MMP2: variants seen among roughly 807,000 people sequenced by gnomAD.
MMP2 encodes 72 kDa type IV collagenase.
Under a neutral mutation model 74.8 loss-of-function variants are expected in MMP2, and 39 were observed. The observed-to-expected ratio is 0.52, with a 90% CI of 0.40 to 0.68. The LOEUF is 0.68. Among genes scored for constraint, MMP2 ranks in the 30% least tolerant of loss-of-function variants. The probability of loss-of-function intolerance (pLI) is 0.00; values close to 1 mark genes in which losing one functional copy is unlikely to be tolerated. For synonymous variants in MMP2, 367 were observed against 339.8 expected, an observed-to-expected ratio of 1.08 and a Z score of -0.88; for missense variants, 803 against 878.3, an observed-to-expected ratio of 0.91 and a Z score of 1.08.
chr16:55,504,922 G>C (rs1259192134), intron 12 of MMP2, among the ~76,000 whole-genome samples: 1 of 151,796 alleles, frequency 6.6e-6, no homozygotes, highest in Non-Finnish European at 1.5e-5. Context: ...AAAGTGCTGG[G>C]ATTACAGGCG....
intron 5 of MMP2, among the ~76,000 whole-genome samples, chr16:55,486,219 G>T (rs1428309273): frequency 6.6e-6 from 1 of 152,112 alleles, no homozygotes; most frequent in African/African-American, 2.4e-5. Flanking sequence ...GTGATAGGGA[G>T]GCAGGACTCA....
chr16:55,485,727 C>T lies in MMP2; in HGVS notation c.782C>T (p.Thr261Ile). ...GRSDGFLWCS[T>I]TYNFEKDGKY... ...AGCGATGGCTTCCTCTGGTGCTCCA[C>T]CACCTACAACTTTGAGAAGGATGGC... The change falls in exon 5 of 13, where the codon ACC becomes ATC. Residue 261 changes from threonine (T) to isoleucine (I), a missense_variant. Transcript: ENST00000219070. 1.9e-6 allele frequency: 3 copies of T among 1,614,140 alleles called. No homozygotes were observed. Among genetic ancestry groups the T allele is most frequent in the Non-Finnish European group, 2.5e-6 (3 of 1,180,028 alleles).
intron 11 of MMP2, among the ~76,000 whole-genome samples, chr16:55,499,371 TGAA>T (rs1181691213): frequency 2.7e-4 from 41 of 152,020 alleles, no homozygotes; most frequent in African/African-American, 4.8e-4. Flanking sequence ...GGACAAAATA[TGAA>T]GAAGACTTAG....
intron 1 of MMP2, chr16:55,479,882 C>G: frequency 7.6e-6 from 4 of 524,832 alleles, no homozygotes. Flanking sequence ...GGGCGAAAAA[C>G]AAGCCAGAGA....
chr16:55,489,654 T>C lies in MMP2; in HGVS notation c.1010T>C (p.Met337Thr). The change falls in exon 7 of 13, where the codon ATG (methionine) becomes ACG (threonine). Residue 337 changes from methionine (M) to threonine (T), a missense_variant. Transcript: ENST00000219070. Reference protein sequence around the residue: ...KKYGFCPETAMSTVGGNSEGA... With the variant: ...KKYGFCPETATSTVGGNSEGA... ...ACCCGTATCCCTAACCCCACAGCCATGTCCACTGTTGGTGGGAACTCAGAA... is the reference window on the plus strand; with the variant it reads ...ACCCGTATCCCTAACCCCACAGCCACGTCCACTGTTGGTGGGAACTCAGAA... 1 of 1,614,166 alleles carries C rather than the reference T, an allele frequency of 6.2e-7. No individual in the cohort carries two copies. Among genetic ancestry groups the C allele is most frequent in the Non-Finnish European group, 8.5e-7 (1 of 1,180,030 alleles).
intron 6 of MMP2, 75 bp downstream of exon 6, chr16:55,488,791 G>A (rs1219858275): frequency 1.4e-5 from 20 of 1,467,420 alleles, no homozygotes; most frequent in East Asian, 2.5e-5. Context: ...ATAAGACTCC[G>A]AGTGCCCACC....
Position 55,498,419 on chromosome 16 carries a change from A to T in MMP2, c.1740A>T (p.Thr580=), listed in dbSNP as rs753456897. ...TTAACTGGAGCAAAAACAAGAAGACATACATCTTTGCTGGAGACAAATTCT... is the reference window on the plus strand; with the variant it reads ...TTAACTGGAGCAAAAACAAGAAGACTTACATCTTTGCTGGAGACAAATTCT... ...AAFNWSKNKK[T]YIFAGDKFWR... is the part of the protein sequence containing the mutation. Residue 580 remains threonine (T), a synonymous_variant, in exon 11 of 13, where the codon ACA becomes ACT. Transcript: ENST00000219070. The T allele has an allele frequency of 1.2e-6, 2 of 1,614,088 alleles. No individual in the cohort carries two copies. Among genetic ancestry groups the T allele is most frequent in the African/African-American group, 2.7e-5 (2 of 74,930 alleles).
Position 55,493,189 on chromosome 16 carries a change from C to G in MMP2, c.1368C>G (p.Gly456=), listed in dbSNP as rs201437071. Residue 456 remains glycine, a synonymous_variant, in exon 9 of 13, where the codon GGC becomes GGG. Transcript: ENST00000219070. ...CTCCTGACATTGACCTTGGCACCGGCCCCACCCCCACGCTGGGCCCTGTCA... is the reference window on the plus strand; with the variant it reads ...CTCCTGACATTGACCTTGGCACCGGGCCCACCCCCACGCTGGGCCCTGTCA... ...GASPDIDLGT[G]PTPTLGPVTP... 12 of 1,613,926 alleles carry G rather than the reference C, an allele frequency of 7.4e-6. No individual in the cohort carries two copies. The highest frequency in any genetic ancestry group is 9.3e-6 in the Non-Finnish European group (11 of 1,180,012).
chr16:55,491,996 G>T lies in MMP2; in HGVS notation c.1336+40G>T, dbSNP rs17859934. 3.6e-6 allele frequency: 5 copies of T among 1,408,248 alleles called. No homozygotes were observed. In the African/African-American group the frequency reaches 5.7e-5, roughly 16 times the overall value. The allele number at this position is 1,408,248 out of a possible 1,614,324, so 87.2% of individuals were successfully genotyped here. Reference sequence around the variant, plus strand: ...GGGGGTTGGGGGTGGAGGGTGAGGAGGGGGGAGGTCATGTAGCCTGGGATG... The same window carrying T: ...GGGGGTTGGGGGTGGAGGGTGAGGATGGGGGAGGTCATGTAGCCTGGGATG... On this transcript the variant is annotated intron_variant, in intron 8 of 12. Coordinates refer to ENST00000219070, the MANE Select transcript of MMP2 (RefSeq NM_004530.6).
intron 1 of MMP2, among the ~76,000 whole-genome samples, chr16:55,480,350 G>A (rs1410267738): frequency 6.6e-6 from 1 of 152,162 alleles, no homozygotes; most frequent in Non-Finnish European, 1.5e-5. Flanking sequence ...GCCTCGGAAA[G>A]TTTCCTCGAA....
intron 12 of MMP2, among the ~76,000 whole-genome samples, chr16:55,504,177 T>C (rs950393882): frequency 9.2e-5 from 14 of 152,014 alleles, no homozygotes; most frequent in African/African-American, 2.7e-4. Flanking sequence ...GAATGGGGCC[T>C]GGTGTTGTTA....
chr16:55,503,493 A>C (rs1238489734), intron 12 of MMP2, among the ~76,000 whole-genome samples: 1 of 150,936 alleles, frequency 6.6e-6, no homozygotes, highest in Non-Finnish European at 1.5e-5. Flanking sequence ...ATTTCAACTA[A>C]ATTCCACAGA....
Position 55,479,505 on chromosome 16 carries a change from C to A in MMP2, c.26C>A (p.Ala9Glu). MEALMARG[A>E]LTGPLRALCL... ...ATGGAGGCGCTAATGGCCCGGGGCG[C>A]GCTCACGGGTCCCCTGAGGGCGCTC... The change falls in exon 1 of 13, where the codon GCG (alanine) becomes GAG (glutamate). Residue 9 changes from alanine to glutamate, a missense_variant. This residue lies in a region of MMP2 where 223 missense variants were observed against 232.8 expected (regional missense o/e 0.96). Transcript: ENST00000219070. 6.3e-7 allele frequency: 1 copy of A among 1,593,756 alleles called. No individual in the cohort carries two copies. Among genetic ancestry groups the A allele is most frequent in the Non-Finnish European group, 8.5e-7 (1 of 1,170,566 alleles).
chr16:55,487,163 A>G (rs964254723), intron 5 of MMP2: 2 of 152,176 alleles, frequency 1.3e-5, no homozygotes, highest in Admixed American at 6.5e-5. Context: ...TAAATTTGGG[A>G]AGGGTTATTC....
In MMP2 at chr16:55,479,609, A is replaced by C. The variant is rs1962045152; in HGVS notation, c.130A>C (p.Lys44Gln). 6.2e-7 allele frequency: 1 copy of C among 1,613,646 alleles called. No individual in the cohort carries two copies. The highest frequency in any genetic ancestry group is 8.5e-7 in the Non-Finnish European group (1 of 1,179,984). The change falls in exon 1 of 13, where the codon AAA becomes CAA. Residue 44 changes from lysine to glutamine, a missense_variant. By Grantham distance (53) the Lys-to-Gln change is moderately conservative (BLOSUM62 1). This residue lies in a region of MMP2 where 223 missense variants were observed against 232.8 expected (regional missense o/e 0.96). Transcript: ENST00000219070. ...IIKFPGDVAPKTDKELAVQYL... is the reference protein window; with the variant it reads ...IIKFPGDVAPQTDKELAVQYL... The stretch of plus-strand genomic sequence containing the variant: ...CAAGTTCCCCGGCGATGTCGCCCCC[A>C]AAACGGACAAAGAGTTGGCAGTGGT...
intron 11 of MMP2, among the ~76,000 whole-genome samples, chr16:55,500,491 G>A (rs917481753): frequency 3.2e-4 from 16 of 49,378 alleles, no homozygotes; most frequent in African/African-American, 1.1e-3. Context: ...GCGCATGTGC[G>A]CATACACACA....
At position 55,505,498 on chromosome 16, in the gene MMP2, T is replaced by G; in HGVS notation, c.*56T>G. 4 of 1,502,234 alleles carry G rather than the reference T, an allele frequency of 2.7e-6. No individual in the cohort carries two copies. The highest frequency in any genetic ancestry group is 3.7e-6 in the Non-Finnish European group (4 of 1,078,848). 93.1% of individuals were successfully genotyped at this position (1,502,234 alleles called of 1,614,324 possible). ...TCCACTGCCTTCGATACACCGGGCC[T>G]GGAGAACTAGAGAAGGACCCGGAGG... On this transcript the variant is annotated 3_prime_UTR_variant, in exon 13 of 13. Transcript: ENST00000219070.
chr16:55,484,038 C>G lies in MMP2; in HGVS notation c.403C>G (p.Leu135Val), dbSNP rs1363661296. Residue 135 changes from leucine (L) to valine (V), a missense_variant, in exon 3 of 13, where the codon CTG becomes GTG. Leu to Val is a conservative substitution (Grantham distance 32). Around this residue, in one of 3 missense-constraint regions of MMP2, gnomAD observed 223 missense variants for 232.8 expected, o/e 0.96. Transcript: ENST00000219070. ...TYRIIGYTPD[L>V]DPETVDDAFA... The stretch of plus-strand genomic sequence containing the variant: ...CAGGATCATTGGCTACACACCTGAT[C>G]TGGACCCAGAGACAGTGGATGATGC... 1 of 1,614,224 alleles carries G rather than the reference C, an allele frequency of 6.2e-7. No homozygotes were observed. Among genetic ancestry groups the G allele is most frequent in the Admixed American group, 1.7e-5 (1 of 60,024 alleles).
At chr16:55,498,510 C>T in intron 11 of MMP2, 62 bp downstream of exon 11, 1 of 1,608,322 alleles carries the variant, frequency 6.2e-7, no homozygotes, top group Non-Finnish European at 8.5e-7. Flanking sequence ...AGAAGCCGCC[C>T]TGAGGCTTCA....
Sources: gnomAD v4.1 joint callset for allele counts (sites outside exome capture counted in the v4.1 genomes callset) on GRCh38, gnomAD v4.1.1 for gene constraint, gnomAD v4.1.1 regional missense constraint, MANE v1.5 for transcripts, NCBI Gene and HGNC (gene_info 2026-07-23, HGNC 2026-07-21) for gene names.